Variants in ACAP1 observed in about 807,000 individuals in gnomAD.
ACAP1 encodes ArfGAP with coiled-coil, ankyrin repeat and PH domains 1.
ACAP1 carries 45 observed loss-of-function variants against 98.8 expected under a neutral mutation model. That is an observed-to-expected ratio of 0.46 (90% confidence interval 0.36 to 0.58). The LOEUF is 0.58. Among genes scored for constraint, ACAP1 ranks in the 20% least tolerant of loss-of-function variants. The pLI, the probability that ACAP1 is intolerant of heterozygous loss-of-function variation, is 0.00. For synonymous variants in ACAP1, 362 were observed against 375.3 expected, an observed-to-expected ratio of 0.96 and a Z score of 0.41; for missense variants, 735 against 971.4, an observed-to-expected ratio of 0.76 and a Z score of 3.24.
At chr17:7,342,745 A>G (rs2073300462) in intron 5 of ACAP1, 2 of 490,776 alleles carry the variant, frequency 4.1e-6, no homozygotes, top group Admixed American at 3.5e-5. Context: ...ACTAAAAAAT[A>G]CGAAAAAAAA....
At chr17:7,351,180 G>T in intron 21 of ACAP1, 115 bp from the exon 22 acceptor site, 3 of 1,113,006 alleles carry the variant, frequency 2.7e-6, no homozygotes, top group Non-Finnish European at 2.6e-6. Flanking sequence ...TGCCCGCGGC[G>T]CGCACGTTCC....
rs35927903 is a variant in ACAP1 at position 7,350,611 on chromosome 17, C to CT, written c.2073-324dup. 3,197 of 263,608 alleles carry CT rather than the reference C, an allele frequency of 0.012. 3 individuals are homozygous for CT. Among genetic ancestry groups the CT allele is most frequent in the East Asian group, 0.04 (451 of 11,330 alleles). The allele number at this position is 263,608 out of a possible 1,614,324, so 16.3% of individuals were successfully genotyped here. On this transcript the variant is annotated intron_variant, in intron 20 of 21. Transcript: ENST00000158762. This position sits in a 1 kb window ranked among gnomAD's most constrained non-coding sequence, Gnocchi z 4.6. ...AAGTTGTGGGGGAGGTGAGGATAGT[C>CT]TTTTTTTTTTTTTTTGAGACGGAGT...
At chr17:7,345,404 A>T (rs1289805470) in intron 10 of ACAP1, 2 of 151,628 alleles carry the variant, frequency 1.3e-5, no homozygotes, top group East Asian at 3.9e-4. Context: ...GCTCACTGCA[A>T]CCTCTATCCC....
At position 7,336,721 on chromosome 17, in the gene ACAP1, G is replaced by C. The variant is rs1224907975; in HGVS notation, c.-14G>C. The C allele has an allele frequency of 6.2e-7, 1 of 1,613,842 alleles. No individual in the cohort carries two copies. The highest frequency in any genetic ancestry group is 1.7e-5 in the Admixed American group (1 of 60,018). Reference sequence around the variant, plus strand: ...GCCTCCAGGGCCCGCTGGCCCCACAGCAGGCAAGCTGAGATGACGGTCAAG... The same window carrying C: ...GCCTCCAGGGCCCGCTGGCCCCACACCAGGCAAGCTGAGATGACGGTCAAG... On this transcript the variant is annotated 5_prime_UTR_variant, in exon 1 of 22. Transcript: ENST00000158762.
Position 7,350,445 on chromosome 17 carries a change from G to A in ACAP1, c.2072+208G>A. 1 of 585,490 alleles carries A rather than the reference G, an allele frequency of 1.7e-6. No homozygotes were observed. Among genetic ancestry groups the A allele is most frequent in the South Asian group, 2.0e-5 (1 of 49,722 alleles). 36.3% of individuals were successfully genotyped at this position (585,490 alleles called of 1,614,324 possible). On this transcript the variant is annotated intron_variant, in intron 20 of 21. Transcript: ENST00000158762. This position sits in a 1 kb window ranked among gnomAD's most constrained non-coding sequence, Gnocchi z 4.6. ...TGGAGTAGAAGGCAGGCGGGAGGGC[G>A]GGCAGGGTGCAAGGATGCTTGGCCC...
At position 7,343,996 on chromosome 17, in the gene ACAP1, G is replaced by T; in HGVS notation, c.669+40G>T. ...CACAGCAGGTGGTAGAGGGAGGTTA[G>T]GGACTCCTAACTGGGGGGCCTTGGA... On this transcript the variant is annotated intron_variant, in intron 8 of 21. Transcript: ENST00000158762. This position sits in a 1 kb window ranked among gnomAD's most constrained non-coding sequence, Gnocchi z 4.9. 1 of 1,574,780 alleles carries T rather than the reference G, an allele frequency of 6.4e-7. No individual in the cohort carries two copies. The highest frequency in any genetic ancestry group is 2.4e-5 in the East Asian group (1 of 42,314).
rs1323230036 is a variant in ACAP1 at position 7,350,957 on chromosome 17, C to T, written c.2080C>T (p.Leu694=). ...TAATTCCCTCCTCTTCAGGCTACGA[C>T]TGGCAAAGATGAGGGAGGCTGAAGC... The part of the protein sequence containing the change: ...ANADIVTLLR[L]AKMREAEAAQ... Residue 694 remains leucine (L), a synonymous_variant, in exon 21 of 22, where the codon CTG becomes TTG. Coordinates refer to ENST00000158762, the MANE Select transcript of ACAP1 (RefSeq NM_014716.4). This position sits in a 1 kb window ranked among gnomAD's most constrained non-coding sequence, Gnocchi z 4.6. 2 of 1,614,026 alleles carry T rather than the reference C, an allele frequency of 1.2e-6. No homozygotes were observed. The highest frequency in any genetic ancestry group is 1.3e-5 in the African/African-American group (1 of 74,928).
At chr17:7,346,526 A>G in intron 12 of ACAP1, 35 bp downstream of exon 12, 2 of 1,517,706 alleles carry the variant, frequency 1.3e-6, no homozygotes, top group Non-Finnish European at 1.8e-6. Flanking sequence ...ACTCTAATAT[A>G]TCTAAACAAC....
At position 7,350,551 on chromosome 17, in the gene ACAP1, A is replaced by G; in HGVS notation, c.2072+314A>G. 2.1e-6 allele frequency: 1 copy of G among 465,440 alleles called. No individual in the cohort carries two copies. The allele number at this position is 465,440 out of a possible 1,614,324, so 28.8% of individuals were successfully genotyped here. A position where few individuals can be genotyped will look rare whatever the true frequency, so the allele number is the denominator to read the frequency against. The stretch of plus-strand genomic sequence containing the variant: ...TAGACGTGACCCCGGGGGTGGGGGC[A>G]GATGAACGGAACGCAACCCAGCTCA... On this transcript the variant is annotated intron_variant, in intron 20 of 21. Coordinates refer to ENST00000158762, the MANE Select transcript of ACAP1 (RefSeq NM_014716.4). The surrounding 1 kb of genome is among the most constrained non-coding windows in gnomAD (Gnocchi z 4.6).
At chr17:7,339,926 G>A (rs142986799) in intron 2 of ACAP1, among the ~76,000 whole-genome samples, 12 of 152,034 alleles carry the variant, frequency 7.9e-5, no homozygotes, top group African/African-American at 2.7e-4. Flanking sequence ...CATACACTAT[G>A]TGACCCTTTG....
In ACAP1 at chr17:7,344,237, C is replaced by T. The variant is rs1421219150; in HGVS notation, c.744+114C>T. On this transcript the variant is annotated intron_variant, in intron 9 of 21. Coordinates refer to ENST00000158762, the MANE Select transcript of ACAP1 (RefSeq NM_014716.4). This position sits in a 1 kb window ranked among gnomAD's most constrained non-coding sequence, Gnocchi z 4.9. Reference sequence around the variant, plus strand: ...GATTAGCCTAGGCATCGTAGTGAAACTCCATCTCTACAGAAAATTTTAAAA... The same window carrying T: ...GATTAGCCTAGGCATCGTAGTGAAATTCCATCTCTACAGAAAATTTTAAAA... 3 of 1,211,884 alleles carry T rather than the reference C, an allele frequency of 2.5e-6. No individual in the cohort carries two copies. Among genetic ancestry groups the T allele is most frequent in the Non-Finnish European group, 3.5e-6 (3 of 856,566 alleles). 75.1% of individuals were successfully genotyped at this position (1,211,884 alleles called of 1,614,324 possible).
In ACAP1 at chr17:7,344,592, G is replaced by C; in HGVS notation, c.798G>C (p.Leu266=). The C allele has an allele frequency of 6.4e-7, 1 of 1,551,560 alleles. No homozygotes were observed. The highest frequency in any genetic ancestry group is 8.7e-7 in the Non-Finnish European group (1 of 1,146,968). ...GCTTAAGAGAGGGGCCTGGTGGCCTGGTGATGGAAGGACATCTCTTCAAAC... is the reference window on the plus strand; with the variant it reads ...GCTTAAGAGAGGGGCCTGGTGGCCTCGTGATGGAAGGACATCTCTTCAAAC... ...EPSLREGPGG[L]VMEGHLFKRA... is the part of the protein sequence containing the mutation. Residue 266 remains leucine (L), a synonymous_variant, in exon 10 of 22, where the codon CTG becomes CTC. Coordinates refer to ENST00000158762, the MANE Select transcript of ACAP1 (RefSeq NM_014716.4). This position sits in a 1 kb window ranked among gnomAD's most constrained non-coding sequence, Gnocchi z 4.9.
chr17:7,350,406 T>G lies in ACAP1; in HGVS notation c.2072+169T>G. 1.7e-6 allele frequency: 1 copy of G among 586,830 alleles called. No homozygotes were observed. 36.4% of individuals were successfully genotyped at this position (586,830 alleles called of 1,614,324 possible). On this transcript the variant is annotated intron_variant, in intron 20 of 21. Transcript: ENST00000158762. This position sits in a 1 kb window ranked among gnomAD's most constrained non-coding sequence, Gnocchi z 4.6. ...CAGGCTCGAGAAAGGCTGCGCGAAG[T>G]GTGCACTGGGACGTGGAGTAGAAGG...
chr17:7,343,985 G>A lies in ACAP1; in HGVS notation c.669+29G>A. 1.9e-6 allele frequency: 3 copies of A among 1,576,538 alleles called. No individual in the cohort carries two copies. Among genetic ancestry groups the A allele is most frequent in the Non-Finnish European group, 2.6e-6 (3 of 1,160,428 alleles). On this transcript the variant is annotated intron_variant, in intron 8 of 21. Coordinates refer to ENST00000158762, the MANE Select transcript of ACAP1 (RefSeq NM_014716.4). This position sits in a 1 kb window ranked among gnomAD's most constrained non-coding sequence, Gnocchi z 4.9. ...GGGCCCCAGGGCACAGCAGGTGGTA[G>A]AGGGAGGTTAGGGACTCCTAACTGG... is the stretch of plus-strand genomic sequence containing the variant.
Position 7,346,289 on chromosome 17 carries a change from G to A in ACAP1, c.900G>A (p.Lys300=), listed in dbSNP as rs999830153. The A allele has an allele frequency of 6.2e-7, 1 of 1,614,248 alleles. No homozygotes were observed. Among genetic ancestry groups the A allele is most frequent in the Non-Finnish European group, 8.5e-7 (1 of 1,180,050 alleles). The change falls in exon 11 of 22, where the codon AAG becomes AAA. Residue 300 remains lysine (K), a synonymous_variant. Coordinates refer to ENST00000158762, the MANE Select transcript of ACAP1 (RefSeq NM_014716.4). ...IQSNQLVYQK[K]YKDPVTVVVD... ...GCAACCAACTGGTTTACCAGAAGAAGTACAAGGTGAGTGGACCTGGGTCCT... is the reference window on the plus strand; with the variant it reads ...GCAACCAACTGGTTTACCAGAAGAAATACAAGGTGAGTGGACCTGGGTCCT...
intron 21 of ACAP1, 146 bp downstream of exon 21, chr17:7,351,145 T>C: frequency 9.0e-7 from 1 of 1,106,998 alleles, no homozygotes; most frequent in Admixed American, 2.2e-5. Flanking sequence ...TGCCAGGCCC[T>C]GGCAAGGCAT....
In ACAP1 at chr17:7,343,905, C is replaced by T. The variant is rs1046914880; in HGVS notation, c.618C>T (p.Gly206=). 6.2e-7 allele frequency: 1 copy of T among 1,611,286 alleles called. No homozygotes were observed. The highest frequency in any genetic ancestry group is 8.5e-7 in the Non-Finnish European group (1 of 1,178,678). ...VEAQATHFQQ[G]HEELSRLSQY... is the part of the protein sequence containing the mutation. ...CCCAGGCTACCCATTTCCAGCAGGG[C>T]CATGAGGAGCTGAGCCGGCTGTCCC... is the stretch of plus-strand genomic sequence containing the variant. Residue 206 remains glycine (G), a synonymous_variant, in exon 8 of 22, where the codon GGC becomes GGT. Coordinates refer to ENST00000158762, the MANE Select transcript of ACAP1 (RefSeq NM_014716.4). This position sits in a 1 kb window ranked among gnomAD's most constrained non-coding sequence, Gnocchi z 4.9.
rs1040193258 is a variant in ACAP1 at position 7,343,247 on chromosome 17, C to T, written c.345-132C>T. Reference sequence around the variant, plus strand: ...TGGGGGTTTCTGGTGTCCTGACTTCCGTCCCAGGGATCACCTTGGGTTTCC... The same window carrying T: ...TGGGGGTTTCTGGTGTCCTGACTTCTGTCCCAGGGATCACCTTGGGTTTCC... On this transcript the variant is annotated intron_variant, in intron 5 of 21. Transcript: ENST00000158762. This position sits in a 1 kb window ranked among gnomAD's most constrained non-coding sequence, Gnocchi z 4.9. 1.2e-5 allele frequency: 11 copies of T among 930,324 alleles called. No individual in the cohort carries two copies. Among genetic ancestry groups the T allele is most frequent in the Admixed American group, 9.8e-5 (4 of 40,708 alleles). The allele number at this position is 930,324 out of a possible 1,614,324, so 57.6% of individuals were successfully genotyped here.
At chr17:7,351,020 A>AC (rs759860134) in intron 21 of ACAP1, 21 bp downstream of exon 21, 3 of 1,608,818 alleles carry the variant, frequency 1.9e-6, no homozygotes, top group East Asian at 2.2e-5. Flanking sequence ...CACCCACCCC[A>AC]CCCCCCAGGC....
Sources: allele counts gnomAD v4.1 joint callset (sites outside exome capture counted in the v4.1 genomes callset), GRCh38; gene constraint gnomAD v4.1.1; non-coding constraint Gnocchi (gnomAD v3.1); transcripts MANE v1.5; gene names NCBI Gene and HGNC (gene_info 2026-07-23, HGNC 2026-07-21).